The following EXOC6 variants were observed in gnomAD, a reference collection of about 807,000 sequenced individuals.
EXOC6 encodes the protein exocyst complex component 6.
A neutral mutation model predicts 112.5 loss-of-function variants in EXOC6; 60 were observed. The observed-to-expected ratio is 0.53, with a 90% CI of 0.43 to 0.66. EXOC6 has a LOEUF of 0.66. EXOC6 is among the 30% of genes least tolerant of loss of function. The pLI, the probability that EXOC6 is intolerant of heterozygous loss-of-function variation, is 0.00. For missense variants in EXOC6, 855 were observed against 957.1 expected, an observed-to-expected ratio of 0.89 and a Z score of 1.41; for synonymous variants, 295 against 308.0, an observed-to-expected ratio of 0.96 and a Z score of 0.44.
chr10:92,869,277 C>G (rs967248717), intron 1 of EXOC6, among the ~76,000 whole-genome samples: 2 of 149,862 alleles, frequency 1.3e-5, no homozygotes, highest in African/African-American at 4.9e-5. Context: ...TGCTGGATTA[C>G]AGGCATGAGC....
intron 20 of EXOC6, among the ~76,000 whole-genome samples, chr10:93,018,526 T>C (rs2486687): frequency 0.13 from 19,706 of 152,150 alleles, 1,436 homozygotes; most frequent in African/African-American, 0.18. Context: ...CTCCTACCCT[T>C]ACCAAAATAT....
chr10:92,842,141 A>C (rs763742103), intron 1 of EXOC6, among the ~76,000 whole-genome samples: 43 of 152,228 alleles, frequency 2.8e-4, no homozygotes, highest in Non-Finnish European at 5.0e-4. Context: ...CAGGCAGATC[A>C]TGAGGTTAGG....
At chr10:92,930,451 C>T (rs1038219400) in intron 9 of EXOC6, among the ~76,000 whole-genome samples, 3 of 151,522 alleles carry the variant, frequency 2.0e-5, no homozygotes, top group African/African-American at 7.3e-5. Context: ...TGCAGTGAGC[C>T]GACATCGCAC....
At chr10:93,028,456 G>A (rs1845119566) in intron 20 of EXOC6, among the ~76,000 whole-genome samples, 1 of 152,180 alleles carries the variant, frequency 6.6e-6, no homozygotes, top group Non-Finnish European at 1.5e-5. Flanking sequence ...AAATTTGAAT[G>A]GATGAGGTAT....
At chr10:92,921,116 C>T (rs1215619302) in intron 8 of EXOC6, among the ~76,000 whole-genome samples, 4 of 152,084 alleles carry the variant, frequency 2.6e-5, no homozygotes, top group African/African-American at 9.7e-5. Context: ...GGATTTATGT[C>T]TGCTCTGATG....
At chr10:92,835,423 T>C (rs1197716218) in intron 1 of EXOC6, among the ~76,000 whole-genome samples, 1 of 152,250 alleles carries the variant, frequency 6.6e-6, no homozygotes, top group African/African-American at 2.4e-5. Flanking sequence ...AAAAACTATG[T>C]GTCATTGTGT....
In EXOC6 at chr10:93,014,208, G is replaced by T. The variant is rs746163477; in HGVS notation, c.2110G>T (p.Glu704Ter). The T allele has an allele frequency of 1.2e-6, 2 of 1,611,630 alleles. No homozygotes were observed. The highest frequency in any genetic ancestry group is 1.7e-6 in the Non-Finnish European group (2 of 1,179,102). The change falls in exon 20 of 22, where the codon GAG becomes TAG. Residue 704 changes from glutamate to a stop codon, truncating the protein, a stop_gained. Coordinates refer to ENST00000260762, the MANE Select transcript of EXOC6 (RefSeq NM_019053.6). LOFTEE classifies it high-confidence loss of function. ...TCTTTTAATAGTGTTTGCCAGCTCTGAGCCTGTGCCAGGATTCCAGGGGGA... is the reference window on the plus strand; with the variant it reads ...TCTTTTAATAGTGTTTGCCAGCTCTTAGCCTGTGCCAGGATTCCAGGGGGA... Reference protein sequence around the residue: ...VIQCELFASSEPVPGFQGDTL... With the variant: ...VIQCELFASS
intron 6 of EXOC6, among the ~76,000 whole-genome samples, chr10:92,910,784 C>A (rs1383729095): frequency 1.3e-5 from 2 of 152,014 alleles, no homozygotes; most frequent in African/African-American, 2.4e-5. Context: ...AAAAAATTAG[C>A]CAGGCATGGT....
intron 1 of EXOC6, among the ~76,000 whole-genome samples, chr10:92,888,185 C>T (rs1338743999): frequency 6.6e-6 from 1 of 152,058 alleles, no homozygotes; most frequent in African/African-American, 2.4e-5. Flanking sequence ...TAGTTTACCC[C>T]TCTCAGGCTT....
Position 92,903,635 on chromosome 10 carries a change from T to TA in EXOC6, c.458+3992dup, listed in dbSNP as rs1458370133. Among the ~76,000 whole-genome samples, 8 of 148,488 alleles carry TA rather than the reference T, an allele frequency of 5.4e-5. No individual in the cohort carries two copies. The South Asian group carries it at 1.7e-3, about 31-fold the overall frequency. On this transcript the variant is annotated intron_variant, in intron 5 of 21. Transcript: ENST00000260762. ...CTGTTCACATCTTTTGCTTTTTTTT[T>TA]ATTTAATAGATTTTATTTTTTAGAG...
intron 1 of EXOC6, among the ~76,000 whole-genome samples, chr10:92,871,186 T>C (rs1380161958): frequency 6.6e-6 from 1 of 152,200 alleles, no homozygotes; most frequent in Non-Finnish European, 1.5e-5. Flanking sequence ...TTATCATTTC[T>C]TCAAGTTTAT....
At chr10:92,911,695 A>C (rs1564823202) in intron 6 of EXOC6, among the ~76,000 whole-genome samples, 1 of 151,918 alleles carries the variant, frequency 6.6e-6, no homozygotes, top group Non-Finnish European at 1.5e-5. Context: ...ATTTAAACAG[A>C]CATTTCATAC....
At chr10:92,837,739 T>G (rs1231568484) in intron 1 of EXOC6, among the ~76,000 whole-genome samples, 3 of 152,104 alleles carry the variant, frequency 2.0e-5, no homozygotes, top group Non-Finnish European at 4.4e-5. Context: ...GGAGTTTGGC[T>G]GGAGGCAGCT....
intron 19 of EXOC6, among the ~76,000 whole-genome samples, chr10:93,003,637 G>T (rs1194536850): frequency 1.3e-5 from 2 of 152,090 alleles, no homozygotes; most frequent in African/African-American, 4.8e-5. Context: ...GTTATATACT[G>T]GGAAATCAAA....
At chr10:92,922,337 T>A (rs1851493568) in intron 8 of EXOC6, among the ~76,000 whole-genome samples, 1 of 152,232 alleles carries the variant, frequency 6.6e-6, no homozygotes, top group Admixed American at 6.5e-5. Context: ...GGAAAATTAC[T>A]TCCCTTATTT....
intron 19 of EXOC6, among the ~76,000 whole-genome samples, chr10:93,005,814 G>A (rs905091546): frequency 6.6e-6 from 1 of 152,196 alleles, no homozygotes; most frequent in Admixed American, 6.5e-5. Flanking sequence ...AGTTATTGGA[G>A]AGTAGATAAG....
At chr10:92,870,015 G>C (rs1416804082) in intron 1 of EXOC6, among the ~76,000 whole-genome samples, 2 of 146,660 alleles carry the variant, frequency 1.4e-5, no homozygotes, top group African/African-American at 5.1e-5. Flanking sequence ...GCAGTGGTGC[G>C]ATCTTGGCTC....
intron 14 of EXOC6, among the ~76,000 whole-genome samples, chr10:92,949,532 G>A (rs905570175): frequency 2.0e-5 from 3 of 150,210 alleles, no homozygotes; most frequent in African/African-American, 7.3e-5. Context: ...GTTTGTTCAG[G>A]CTAGTGTCTA....
intron 8 of EXOC6, among the ~76,000 whole-genome samples, chr10:92,926,035 T>C (rs958158279): frequency 2.0e-5 from 3 of 146,916 alleles, no homozygotes; most frequent in Non-Finnish European, 3.0e-5. Context: ...AGATTTTAGG[T>C]TTTAGGGTGG....
Sources: allele counts gnomAD v4.1 joint callset (sites outside exome capture counted in the v4.1 genomes callset), GRCh38; gene constraint gnomAD v4.1.1; transcripts MANE v1.5; gene names NCBI Gene and HGNC (gene_info 2026-07-23, HGNC 2026-07-21).